The following LNPK variants were observed in gnomAD, a reference collection of about 807,000 sequenced individuals.
LNPK encodes lunapark, ER junction formation factor, also known as endoplasmic reticulum junction formation protein lunapark.
LNPK carries 29 observed loss-of-function variants against 55.2 expected under a neutral mutation model. That is an observed-to-expected ratio of 0.53 (90% CI 0.39 to 0.72). The LOEUF (loss-of-function observed/expected upper bound fraction) is 0.72, where lower values mean the gene tolerates loss of function less well. LNPK is among the 30% of genes least tolerant of loss of function. The pLI is 0.00. For missense variants in LNPK, 467 were observed against 494.8 expected, an observed-to-expected ratio of 0.94 and a Z score of 0.53; for synonymous variants, 162 against 168.2, an observed-to-expected ratio of 0.96 and a Z score of 0.29.
intron 4 of LNPK, among the ~76,000 whole-genome samples, chr2:175,984,230 G>A (rs1356088314): frequency 6.6e-6 from 1 of 151,532 alleles, no homozygotes; most frequent in African/African-American, 2.4e-5. Flanking sequence ...AGGCTAGAGT[G>A]CAGTGGGGCG....
rs1334422924 is a variant in LNPK, at chr2:175,925,665, CTTTCT to C, written c.*4297_*4301del. ...ATGGCGTGGCAGATTCATTTTCTTT[CTTTCT>C]TTTTTTTTTTTGAGATGGAGTTTCA... On this transcript the variant is annotated 3_prime_UTR_variant, in exon 13 of 13. Transcript: ENST00000272748. The C allele has an allele frequency of 4.1e-5, 6 of 145,492 alleles. No individual in the cohort carries two copies. The highest frequency in any genetic ancestry group is 1.1e-4 in the African/African-American group (4 of 38,014). The allele number at this position is 145,492 out of a possible 1,614,324, so 9.0% of individuals were successfully genotyped here.
At chr2:175,959,414 C>T (rs943298611) in intron 8 of LNPK, among the ~76,000 whole-genome samples, 1 of 152,144 alleles carries the variant, frequency 6.6e-6, no homozygotes, top group African/African-American at 2.4e-5. Flanking sequence ...CAATATTCAA[C>T]ATTCTTAAAA....
intron 12 of LNPK, 65 bp from the exon 13 acceptor site, chr2:175,930,264 C>CA: frequency 1.0e-6 from 1 of 981,626 alleles, no homozygotes; most frequent in Non-Finnish European, 1.5e-6. Context: ...ATAAGGCAAG[C>CA]AAAAAAGATA....
upstream of LNPK, chr2:176,002,611 A>G (rs1315138887): frequency 5.3e-6 from 1 of 188,442 alleles, no homozygotes; most frequent in Non-Finnish European, 1.1e-5. Flanking sequence ...CCGCCGCGCG[A>G]GCGAAGAGTG....
chr2:175,980,472 C>T (rs1290417265), intron 4 of LNPK, among the ~76,000 whole-genome samples: 3 of 152,216 alleles, frequency 2.0e-5, no homozygotes, highest in East Asian at 1.9e-4. Flanking sequence ...TTCTTTAGGC[C>T]TTGCATTAGT....
chr2:175,941,946 G>A (rs1374204005), intron 9 of LNPK, among the ~76,000 whole-genome samples: 1 of 151,260 alleles, frequency 6.6e-6, no homozygotes, highest in Admixed American at 6.6e-5. Context: ...GAAACAGTAT[G>A]TTTAAAGTTC....
chr2:175,947,739 T>TTGGAAA, intron 8 of LNPK, 47 bp from the exon 9 acceptor site: 4 of 1,302,206 alleles, frequency 3.1e-6, no homozygotes, highest in South Asian at 1.6e-5. Flanking sequence ...ATATACCATA[T>TTGGAAA]TAGCCAGTAT....
In LNPK at chr2:175,931,562, G is replaced by A. The variant is rs1353936588; in HGVS notation, c.1055-1363C>T. On this transcript the variant is annotated intron_variant, in intron 12 of 12. Coordinates refer to ENST00000272748, the MANE Select transcript of LNPK (RefSeq NM_030650.3). ...TCCACCTTTTGATATGTAGAATAAA[G>A]GCCCAAATTCTATAGTTTTACTATA... 2.6e-5 allele frequency among the ~76,000 whole-genome samples: 4 copies of A among 152,126 alleles called. No individual in the cohort carries two copies. In the East Asian group the frequency reaches 7.7e-4, roughly 29 times the overall value.
At chr2:175,965,643 A>G (rs565530009) in intron 6 of LNPK, among the ~76,000 whole-genome samples, 9 of 152,318 alleles carry the variant, frequency 5.9e-5, no homozygotes, top group South Asian at 2.1e-4. Flanking sequence ...TCAATTCGAC[A>G]TTTAAGAGGT....
chr2:175,954,140 C>T (rs1179795335), intron 8 of LNPK, among the ~76,000 whole-genome samples: 2 of 152,076 alleles, frequency 1.3e-5, no homozygotes, highest in African/African-American at 4.8e-5. Flanking sequence ...CTTACCATAC[C>T]GTTTATTACA....
chr2:175,960,712 A>G (rs1685977941), intron 8 of LNPK, among the ~76,000 whole-genome samples: 1 of 152,218 alleles, frequency 6.6e-6, no homozygotes. Context: ...CTAAGATCAG[A>G]GCAGAACTGA....
intron 3 of LNPK, 123 bp from the exon 4 acceptor site, chr2:175,992,541 TA>T: frequency 1.8e-6 from 1 of 567,046 alleles, no homozygotes; most frequent in African/African-American, 2.0e-5. Flanking sequence ...CAGTAAAGCA[TA>T]ATATTCTAAC....
rs1422157272 is a variant in LNPK at position 175,927,445 on chromosome 2, GC to G, written c.*2521del. On this transcript the variant is annotated 3_prime_UTR_variant, in exon 13 of 13. Transcript: ENST00000272748. ...ACATGATAGGGAGTAAAAGGCAGAG[GC>G]CAGCTTCAGATGGGGAGTTTGGGAA... 1 of 152,218 alleles carries G rather than the reference GC, an allele frequency of 6.6e-6. No individual in the cohort carries two copies. Among genetic ancestry groups the G allele is most frequent in the Non-Finnish European group, 1.5e-5 (1 of 68,064 alleles). The allele number at this position is 152,218 out of a possible 1,614,324, so 9.4% of individuals were successfully genotyped here.
chr2:175,964,409 T>A lies in LNPK; in HGVS notation c.456A>T (p.Pro152=). The A allele has an allele frequency of 6.2e-7, 1 of 1,613,600 alleles. No homozygotes were observed. The highest frequency in any genetic ancestry group is 8.5e-7 in the Non-Finnish European group (1 of 1,179,524). Residue 152 remains proline (P), a synonymous_variant, in exon 8 of 13, where the codon CCA becomes CCT. Coordinates refer to ENST00000272748, the MANE Select transcript of LNPK (RefSeq NM_030650.3). ...DSKKAKECEP[P]SAGAAVTARP... ...TTGCAGTTACAGCTGCTCCAGCAGA[T>A]GGCGGCTCACACTCCTGTCAATTAT...
At chr2:175,931,566 C>T (rs1684281222) in intron 12 of LNPK, among the ~76,000 whole-genome samples, 1 of 152,108 alleles carries the variant, frequency 6.6e-6, no homozygotes, top group African/African-American at 2.4e-5. Context: ...AATAAAGGCC[C>T]AAATTCTATA....
chr2:175,929,551 GA>G lies in LNPK; in HGVS notation c.*415del. 1.0e-6 allele frequency: 1 copy of G among 991,790 alleles called. No homozygotes were observed. Among genetic ancestry groups the G allele is most frequent in the Non-Finnish European group, 1.2e-6 (1 of 833,480 alleles). The allele number at this position is 991,790 out of a possible 1,614,324, so 61.4% of individuals were successfully genotyped here. A position where few individuals can be genotyped will look rare whatever the true frequency, so the allele number is the denominator to read the frequency against. The stretch of plus-strand genomic sequence containing the variant: ...TAAAATTCTATCAATTTTTAATAAT[GA>G]AGTAGTCAAAATCTTAACCAAGTTT... On this transcript the variant is annotated 3_prime_UTR_variant, in exon 13 of 13. Coordinates refer to ENST00000272748, the MANE Select transcript of LNPK (RefSeq NM_030650.3).
At chr2:175,933,440 A>G (rs1333677650) in intron 12 of LNPK, among the ~76,000 whole-genome samples, 3 of 152,246 alleles carry the variant, frequency 2.0e-5, no homozygotes, top group Non-Finnish European at 4.4e-5. Context: ...CCCTCTATCT[A>G]TGTAAGCTAC....
chr2:175,993,629 C>T (rs1687801304), intron 2 of LNPK, among the ~76,000 whole-genome samples: 1 of 151,918 alleles, frequency 6.6e-6, no homozygotes. Flanking sequence ...AACTGGTCTA[C>T]TAAAAATCCA....
Position 175,991,913 on chromosome 2 carries a change from C to A in LNPK, c.257+318G>T, listed in dbSNP as rs149324679. 1.7e-3 allele frequency among the ~76,000 whole-genome samples: 264 copies of A among 152,192 alleles called. 1 individual carries two copies. The highest frequency in any genetic ancestry group is 2.9e-3 in the Admixed American group (44 of 15,290). On this transcript the variant is annotated intron_variant, in intron 4 of 12. Coordinates refer to ENST00000272748, the MANE Select transcript of LNPK (RefSeq NM_030650.3). The stretch of plus-strand genomic sequence containing the variant: ...TATTCTTTCGTTTTTACAAACCCTG[C>A]CCCACTTGCCATTACCCACTACTCC...
Sources: gnomAD v4.1 joint callset for allele counts (sites outside exome capture counted in the v4.1 genomes callset) on GRCh38, gnomAD v4.1.1 for gene constraint, MANE v1.5 for transcripts, NCBI Gene and HGNC (gene_info 2026-07-23, HGNC 2026-07-21) for gene names.